THSD4: variants seen among roughly 807,000 people sequenced by gnomAD.
THSD4 encodes thrombospondin type 1 domain containing 4.
THSD4 carries 69 observed loss-of-function variants against 119.0 expected under a neutral mutation model. The observed-to-expected ratio is 0.58, with a 90% CI of 0.48 to 0.71. The LOEUF is 0.71. Among genes scored for constraint, THSD4 ranks in the 30% least tolerant of loss-of-function variants. The pLI is 0.00. For missense variants in THSD4, 1,393 were observed against 1,391.1 expected, an observed-to-expected ratio of 1.00 and a Z score of -0.02; for synonymous variants, 524 against 540.4, an observed-to-expected ratio of 0.97 and a Z score of 0.42.
In THSD4 at chr15:71,640,829, G is replaced by A. The variant is rs557380397; in HGVS notation, c.1153-19701G>A. Among the ~76,000 whole-genome samples the A allele has an allele frequency of 7.9e-5, 12 of 152,170 alleles. 1 individual carries two copies. The South Asian group carries it at 2.5e-3, about 32-fold the overall frequency. The stretch of plus-strand genomic sequence containing the variant: ...GTTTATCTCCCCAGCTAGATATTAA[G>A]CCCATTGAGAGCAGGGATGTAACAT... On this transcript the variant is annotated intron_variant, in intron 7 of 17. Transcript: ENST00000261862.
intron 3 of THSD4, among the ~76,000 whole-genome samples, chr15:71,193,901 C>T (rs553580975): frequency 2.2e-4 from 33 of 152,202 alleles, no homozygotes; most frequent in Non-Finnish European, 3.5e-4. Flanking sequence ...TTAGTAGAGA[C>T]GGGGTTTCAC....
In THSD4 at chr15:71,765,076, G is replaced by C; in HGVS notation, c.2646G>C (p.Lys882Asn). 6.2e-7 allele frequency: 1 copy of C among 1,614,238 alleles called. No individual in the cohort carries two copies. Among genetic ancestry groups the C allele is most frequent in the Non-Finnish European group, 8.5e-7 (1 of 1,180,048 alleles). The change falls in exon 16 of 18, where the codon AAG (lysine) becomes AAC (asparagine). Residue 882 changes from lysine to asparagine, a missense_variant. Transcript: ENST00000261862. ...TQQREVICVRKNADTFEVLDP... is the reference protein window; with the variant it reads ...TQQREVICVRNNADTFEVLDP... ...AGAGGGAGGTGATTTGTGTTAGAAA[G>C]AATGCAGACACCTTTGAAGTGTTGG...
chr15:71,532,809 A>G (rs983632664), intron 7 of THSD4, among the ~76,000 whole-genome samples: 7 of 152,236 alleles, frequency 4.6e-5, no homozygotes, highest in African/African-American at 1.4e-4. Context: ...ATTATATTTA[A>G]TTAAGTAAAA....
chr15:71,673,186 G>C (rs2051568537), intron 8 of THSD4, among the ~76,000 whole-genome samples: 1 of 152,146 alleles, frequency 6.6e-6, no homozygotes, highest in Non-Finnish European at 1.5e-5. Context: ...GGTCTATTCA[G>C]GGATTCAACT....
At chr15:71,117,619 C>G (rs2040374236) in intron 1 of THSD4, among the ~76,000 whole-genome samples, 1 of 152,164 alleles carries the variant, frequency 6.6e-6, no homozygotes, top group Non-Finnish European at 1.5e-5. Context: ...CAACCATGTC[C>G]AAATTACAGT....
chr15:71,457,271 T>C (rs2047353133), intron 7 of THSD4, among the ~76,000 whole-genome samples: 1 of 150,980 alleles, frequency 6.6e-6, no homozygotes, highest in Admixed American at 6.6e-5. Context: ...TAGTGCCAGC[T>C]TTGGAAGGCT....
chr15:71,579,574 C>T (rs1304119266), intron 7 of THSD4, among the ~76,000 whole-genome samples: 1 of 152,192 alleles, frequency 6.6e-6, no homozygotes, highest in East Asian at 1.9e-4. Context: ...TTCCCTGGGA[C>T]TGAGAAAAGA....
chr15:71,141,792 C>A (rs907546911), intron 2 of THSD4, among the ~76,000 whole-genome samples: 1 of 152,086 alleles, frequency 6.6e-6, no homozygotes, highest in Non-Finnish European at 1.5e-5. Context: ...TTCTGGGAGA[C>A]CTTCTGTAGG....
chr15:71,660,394 G>A, intron 7 of THSD4, 136 bp from the exon 8 acceptor site: 1 of 995,928 alleles, frequency 1.0e-6, no homozygotes, highest in East Asian at 2.4e-5. Context: ...ACCGTCTGTG[G>A]CTCCCACCCC....
At chr15:71,694,464 T>C (rs2052121060) in intron 8 of THSD4, among the ~76,000 whole-genome samples, 1 of 152,228 alleles carries the variant, frequency 6.6e-6, no homozygotes, top group African/African-American at 2.4e-5. Context: ...TTATACATTT[T>C]CCTTCCAGTT....
chr15:71,676,413 A>C (rs2051652018), intron 8 of THSD4, among the ~76,000 whole-genome samples: 1 of 151,870 alleles, frequency 6.6e-6, no homozygotes, highest in Non-Finnish European at 1.5e-5. Context: ...TCTTAAGTAG[A>C]TGGGACTACA....
intron 5 of THSD4, among the ~76,000 whole-genome samples, chr15:71,244,705 G>A (rs2044184277): frequency 6.6e-6 from 1 of 152,224 alleles, no homozygotes; most frequent in Non-Finnish European, 1.5e-5. Context: ...GATCAAATGA[G>A]GGATGGTAGG....
At chr15:71,118,275 G>A (rs1317355728) in intron 1 of THSD4, among the ~76,000 whole-genome samples, 2 of 152,094 alleles carry the variant, frequency 1.3e-5, no homozygotes, top group African/African-American at 4.8e-5. Context: ...ACGCCTTCCT[G>A]CTTGAAGGCC....
chr15:71,720,061 G>A (rs1476787176), intron 8 of THSD4, among the ~76,000 whole-genome samples: 1 of 122,692 alleles, frequency 8.2e-6, no homozygotes, highest in East Asian at 2.3e-4. Flanking sequence ...TTGAGACACG[G>A]TCCCACTCTG....
At chr15:71,472,059 C>CAT (rs2047588267) in intron 7 of THSD4, among the ~76,000 whole-genome samples, 1 of 152,038 alleles carries the variant, frequency 6.6e-6, no homozygotes. Context: ...GAACCACAGG[C>CAT]ATGCACCACC....
intron 3 of THSD4, among the ~76,000 whole-genome samples, chr15:71,176,221 G>A (rs1370647752): frequency 2.9e-5 from 3 of 102,732 alleles, no homozygotes; most frequent in Non-Finnish European, 5.8e-5. Flanking sequence ...AGACCCATCA[G>A]TGTGCTGTAT....
At chr15:71,142,376 T>C (rs1036119126) in intron 2 of THSD4, among the ~76,000 whole-genome samples, 1 of 152,172 alleles carries the variant, frequency 6.6e-6, no homozygotes, top group Non-Finnish European at 1.5e-5. Context: ...GTCCATGTTA[T>C]CGAAGTTGTT....
chr15:71,118,910 G>A (rs1307228449), intron 1 of THSD4, among the ~76,000 whole-genome samples: 1 of 152,140 alleles, frequency 6.6e-6, no homozygotes, highest in African/African-American at 2.4e-5. Context: ...CCGCAGGACC[G>A]CTGTGCTGAG....
intron 6 of THSD4, among the ~76,000 whole-genome samples, chr15:71,289,012 G>A (rs2044756214): frequency 6.6e-6 from 1 of 152,166 alleles, no homozygotes; most frequent in Admixed American, 6.5e-5. Context: ...ATAGCTAAAT[G>A]TTGCTGGAAG....
Sources: allele counts gnomAD v4.1 joint callset (sites outside exome capture counted in the v4.1 genomes callset), GRCh38; gene constraint gnomAD v4.1.1; transcripts MANE v1.5; gene names NCBI Gene and HGNC (gene_info 2026-07-23, HGNC 2026-07-21).